Variants in CD6 observed in about 807,000 individuals in gnomAD.
CD6 encodes T-cell differentiation antigen CD6.
A neutral mutation model predicts 75.3 loss-of-function variants in CD6; 53 were observed. The ratio of observed to expected loss-of-function variants is 0.70; its 90% CI spans 0.56 to 0.88. CD6 has a LOEUF of 0.88. Ranked by LOEUF, CD6 falls within the 40% of genes least tolerant of loss-of-function variation. The pLI is 0.00. For synonymous variants in CD6, 359 were observed against 381.5 expected (o/e 0.94, Z 0.69); for missense variants, 770 against 897.1 (o/e 0.86, Z 1.81).
At chr11:60,974,070 C>T (rs537858706) in intron 1 of CD6, among the ~76,000 whole-genome samples, 2 of 152,176 alleles carry the variant, frequency 1.3e-5, no homozygotes, top group African/African-American at 4.8e-5. Flanking sequence ...TTGGGCCGAC[C>T]ATATTGGGGA....
At chr11:60,977,647 T>G (rs985889550) in intron 1 of CD6, among the ~76,000 whole-genome samples, 2 of 151,832 alleles carry the variant, frequency 1.3e-5, no homozygotes. Context: ...TTTCTTTTCT[T>G]TTTTTTTAGA....
At chr11:61,017,328 T>G (rs1037830963) in intron 9 of CD6, 151 bp from the exon 10 acceptor site, 1 of 637,646 alleles carries the variant, frequency 1.6e-6, no homozygotes, top group African/African-American at 1.8e-5. Context: ...AACCTGGAAT[T>G]TGATGGGAAA....
rs1290229869 is a variant in CD6 at position 61,006,720 on chromosome 11, G to A, written c.118+78G>A. 24 of 1,210,160 alleles carry A rather than the reference G, an allele frequency of 2.0e-5. No homozygotes were observed. The South Asian group carries it at 2.5e-4, about 12-fold the overall frequency. 75.0% of individuals were successfully genotyped at this position (1,210,160 alleles called of 1,614,324 possible). ...CCCAGGGTAATAAAGAAGGGAAATG[G>A]ACATTTAGGATACCAGGGAGGCTCC... On this transcript the variant is annotated intron_variant, in intron 2 of 12. Coordinates refer to ENST00000313421, the MANE Select transcript of CD6 (RefSeq NM_006725.5).
intron 6 of CD6, 108 bp from the exon 7 acceptor site, chr11:61,013,315 A>C: frequency 7.9e-7 from 1 of 1,262,684 alleles, no homozygotes; most frequent in Non-Finnish European, 1.1e-6. Flanking sequence ...AGCAAGGAGG[A>C]AGATAACATA....
At chr11:60,993,798 C>T (rs1008040558) in intron 1 of CD6, among the ~76,000 whole-genome samples, 3 of 152,152 alleles carry the variant, frequency 2.0e-5, no homozygotes, top group African/African-American at 7.2e-5. Context: ...TCATATCATA[C>T]CTGCCCCAGT....
chr11:61,009,655 G>A lies in CD6; in HGVS notation c.865G>A (p.Val289Met). ...EVHFRGVWNT[V>M]CDSEWYPSEA... Reference sequence around the variant, plus strand: ...ACACTTCCGAGGGGTCTGGAACACAGTGTGTGACAGTGAGTGGTACCCATC... The same window carrying A: ...ACACTTCCGAGGGGTCTGGAACACAATGTGTGACAGTGAGTGGTACCCATC... Residue 289 changes from valine (V) to methionine (M), a missense_variant, in exon 5 of 13, where the codon GTG (valine) becomes ATG (methionine). Physicochemically the swap from Val to Met is conservative, Grantham distance 21. Coordinates refer to ENST00000313421, the MANE Select transcript of CD6 (RefSeq NM_006725.5). 6.2e-7 allele frequency: 1 copy of A among 1,614,048 alleles called. No homozygotes were observed. Among genetic ancestry groups the A allele is most frequent in the Non-Finnish European group, 8.5e-7 (1 of 1,180,024 alleles).
rs73478358 is a variant in CD6, at chr11:61,019,873, G to A, written c.*555G>A. 9.2e-3 allele frequency: 2,935 copies of A among 319,388 alleles called. 87 individuals are homozygous for A. Among genetic ancestry groups the A allele is most frequent in the African/African-American group, 0.057 (2,663 of 46,940 alleles). The allele number at this position is 319,388 out of a possible 1,614,324, so 19.8% of individuals were successfully genotyped here. A position where few individuals can be genotyped will look rare whatever the true frequency, so the allele number is the denominator to read the frequency against. On this transcript the variant is annotated 3_prime_UTR_variant, in exon 13 of 13. Transcript: ENST00000313421. The stretch of plus-strand genomic sequence containing the variant: ...AGCTGTCCCAGGCTTTGCTCCGGGC[G>A]GTAACTGCACTTGGGCAGGGAATAT...
chr11:61,002,954 C>CTCTTTTCTTTTCTTTTCTTTTCTTT lies in CD6; in HGVS notation c.50-3618_50-3594dup, dbSNP rs10657791. ...GGCAGACTCCTCATGACCTAATCAA[C>CTCTTTTCTTTTCTTTTCTTTTCTTT]TCTTTTCTTTTCTTTTCTTTTCTTT... On this transcript the variant is annotated intron_variant, in intron 1 of 12. Coordinates refer to ENST00000313421, the MANE Select transcript of CD6 (RefSeq NM_006725.5). Among the ~76,000 whole-genome samples the CTCTTTTCTTTTCTTTTCTTTTCTTT allele has an allele frequency of 8.4e-3, 1,266 of 151,112 alleles. 13 individuals are homozygous for CTCTTTTCTTTTCTTTTCTTTTCTTT. The highest frequency in any genetic ancestry group is 0.011 in the Non-Finnish European group (763 of 67,816).
intron 1 of CD6, among the ~76,000 whole-genome samples, chr11:60,980,687 C>G (rs1349713223): frequency 6.6e-6 from 1 of 151,796 alleles, no homozygotes; most frequent in Non-Finnish European, 1.5e-5. Context: ...AAAAATTAGC[C>G]GGGTGTGGTT....
intron 1 of CD6, among the ~76,000 whole-genome samples, chr11:60,983,610 C>G (rs1286569664): frequency 6.6e-6 from 1 of 151,766 alleles, no homozygotes; most frequent in East Asian, 1.9e-4. Context: ...CTCCTAAATA[C>G]CCCAACGTGT....
At position 61,007,098 on chromosome 11, in the gene CD6, G is replaced by A. The variant is rs1348231736; in HGVS notation, c.118+456G>A. Among the ~76,000 whole-genome samples the A allele has an allele frequency of 1.3e-5, 2 of 152,238 alleles. No individual in the cohort carries two copies. The highest frequency in any genetic ancestry group is 2.4e-5 in the African/African-American group (1 of 41,550). On this transcript the variant is annotated intron_variant, in intron 2 of 12. Transcript: ENST00000313421. The surrounding 1 kb of genome is among the most constrained non-coding windows in gnomAD (Gnocchi z 4.2). The stretch of plus-strand genomic sequence containing the variant: ...TGAAGCAGCCCATCATCAACCCCAT[G>A]GCCAGCCGCTTCACAATCCTCCAAG...
intron 4 of CD6, 114 bp from the exon 5 acceptor site, chr11:61,009,458 C>G (rs1859035995): frequency 1.0e-6 from 1 of 957,248 alleles, no homozygotes; most frequent in Admixed American, 3.0e-5. Context: ...GGAGAAGACA[C>G]AAGATCTGGA....
chr11:60,995,232 C>A (rs556219223), intron 1 of CD6, among the ~76,000 whole-genome samples: 5 of 152,092 alleles, frequency 3.3e-5, no homozygotes, highest in African/African-American at 4.8e-5. Context: ...GCAACCTCCC[C>A]CTCCCGGATT....
Position 61,007,805 on chromosome 11 carries a change from G to T in CD6, c.364G>T (p.Ala122Ser), listed in dbSNP as rs971132060. ...CAGCGTAGCAGCTAATGCCACTCTG[G>T]CCGGGGCGCCCGCCCTCCTGTGCAG... ...NTSVAANATL[A>S]GAPALLCSGA... is the part of the protein sequence containing the mutation. Residue 122 changes from alanine (A) to serine (S), a missense_variant, in exon 3 of 13, where the codon GCC becomes TCC. Coordinates refer to ENST00000313421, the MANE Select transcript of CD6 (RefSeq NM_006725.5). This position sits in a 1 kb window ranked among gnomAD's most constrained non-coding sequence, Gnocchi z 4.2. 1.4e-6 allele frequency: 2 copies of T among 1,473,538 alleles called. No individual in the cohort carries two copies. Among genetic ancestry groups the T allele is most frequent in the Non-Finnish European group, 1.8e-6 (2 of 1,116,128 alleles). 91.3% of individuals were successfully genotyped at this position (1,473,538 alleles called of 1,614,324 possible). A position where few individuals can be genotyped will look rare whatever the true frequency, so the allele number is the denominator to read the frequency against.
intron 7 of CD6, 148 bp from the exon 8 acceptor site, chr11:61,013,771 T>G: frequency 2.8e-6 from 2 of 722,706 alleles, no homozygotes; most frequent in East Asian, 2.7e-5. Context: ...TGTGCCTGTG[T>G]TTGTGTGTGT....
At chr11:61,001,906 G>A (rs1858603344) in intron 1 of CD6, among the ~76,000 whole-genome samples, 1 of 152,224 alleles carries the variant, frequency 6.6e-6, no homozygotes, top group South Asian at 2.1e-4. Context: ...CAGTCCACCA[G>A]CCTGTGGAGC....
At chr11:60,987,821 T>C (rs1857887084) in intron 1 of CD6, 1 of 152,256 alleles carries the variant, frequency 6.6e-6, no homozygotes, top group Non-Finnish European at 1.5e-5. Flanking sequence ...AACTCTGTTT[T>C]TTTTCCAGAG....
In CD6 at chr11:61,007,623, G is replaced by A. The variant is rs1215349786; in HGVS notation, c.182G>A (p.Arg61Gln). 2.0e-6 allele frequency: 3 copies of A among 1,489,010 alleles called. No homozygotes were observed. The South Asian group carries it at 3.9e-5, about 19-fold the overall frequency. The allele number at this position is 1,489,010 out of a possible 1,614,324, so 92.2% of individuals were successfully genotyped here. ...SSSCSGTVEV[R>Q]LEASWEPACG... is the part of the protein sequence containing the mutation. ...AGCTGCAGCGGGACGGTGGAGGTGC[G>A]GCTCGAGGCGTCCTGGGAGCCCGCG... The change falls in exon 3 of 13, where the codon CGG becomes CAG. Residue 61 changes from arginine to glutamine, a missense_variant. Coordinates refer to ENST00000313421, the MANE Select transcript of CD6 (RefSeq NM_006725.5). This position sits in a 1 kb window ranked among gnomAD's most constrained non-coding sequence, Gnocchi z 4.2.
chr11:61,018,096 G>A (rs977812940), intron 11 of CD6, 83 bp downstream of exon 11: 1 of 1,535,104 alleles, frequency 6.5e-7, no homozygotes, highest in South Asian at 1.2e-5. Context: ...GAGTCAGGCT[G>A]AGGTCAGGAT....
Sources: gnomAD v4.1 joint callset for allele counts (sites outside exome capture counted in the v4.1 genomes callset) on GRCh38, gnomAD v4.1.1 for gene constraint, Gnocchi (gnomAD v3.1) non-coding constraint, MANE v1.5 for transcripts, NCBI Gene and HGNC (gene_info 2026-07-23, HGNC 2026-07-21) for gene names.